PTPRN2: variants seen among roughly 807,000 people sequenced by gnomAD.
PTPRN2 encodes the protein protein tyrosine phosphatase receptor type N2.
Under a neutral mutation model 118.8 loss-of-function variants are expected in PTPRN2, and 74 were observed. The observed-to-expected ratio is 0.62, with a 90% CI of 0.52 to 0.76. The LOEUF (loss-of-function observed/expected upper bound fraction) is 0.76, where lower values mean the gene tolerates loss of function less well. Among genes scored for constraint, PTPRN2 ranks in the 30% least tolerant of loss-of-function variants. PTPRN2 has a pLI of 0.00. For missense variants in PTPRN2, 1,481 were observed against 1,394.4 expected (o/e 1.06, Z -0.99); for synonymous variants, 641 against 608.0 (o/e 1.05, Z -0.80).
chr7:158,574,975 T>C lies in PTPRN2; in HGVS notation c.112+12583A>G, dbSNP rs1234385455. On this transcript the variant is annotated intron_variant, in intron 1 of 22. Coordinates refer to ENST00000389418, the MANE Select transcript of PTPRN2 (RefSeq NM_002847.5). The surrounding 1 kb of genome is among the most constrained non-coding windows in gnomAD (Gnocchi z 4.6). Reference sequence around the variant, plus strand: ...ACCCTCTTCTCCTTCAGGCTGCAAATTAAAACAGACTTCCATCCTTTCTTC... The same window carrying C: ...ACCCTCTTCTCCTTCAGGCTGCAAACTAAAACAGACTTCCATCCTTTCTTC... Among the ~76,000 whole-genome samples, 1 of 152,256 alleles carries C rather than the reference T, an allele frequency of 6.6e-6. No individual in the cohort carries two copies. Among genetic ancestry groups the C allele is most frequent in the Admixed American group, 6.5e-5 (1 of 15,292 alleles).
chr7:158,388,811 A>G (rs1479614651), intron 2 of PTPRN2, among the ~76,000 whole-genome samples: 2 of 152,186 alleles, frequency 1.3e-5, no homozygotes, highest in Non-Finnish European at 2.9e-5. Context: ...AAAGACACTC[A>G]TCGCCCCAGA....
chr7:158,456,262 C>T (rs995088821), intron 2 of PTPRN2, among the ~76,000 whole-genome samples: 4 of 149,830 alleles, frequency 2.7e-5, no homozygotes, highest in South Asian at 2.2e-4. Context: ...CGGATGCCAT[C>T]GGCCACGGCC....
chr7:157,832,624 G>A (rs1047581489), intron 12 of PTPRN2, among the ~76,000 whole-genome samples: 2 of 152,192 alleles, frequency 1.3e-5, no homozygotes, highest in Non-Finnish European at 2.9e-5. Flanking sequence ...ATGGAAACAC[G>A]AAGGAGCTGC....
chr7:158,026,924 C>T (rs1256520479), intron 11 of PTPRN2, among the ~76,000 whole-genome samples: 1 of 152,266 alleles, frequency 6.6e-6, no homozygotes, highest in East Asian at 1.9e-4. Flanking sequence ...GGCACTGTGT[C>T]AGTTGGCACT....
chr7:157,851,554 T>C (rs1017326347), intron 12 of PTPRN2, among the ~76,000 whole-genome samples: 1 of 149,514 alleles, frequency 6.7e-6, no homozygotes, highest in Admixed American at 6.6e-5. Flanking sequence ...AAGGATCCAG[T>C]ATGGGAGATG....
At chr7:157,768,056 A>T (rs1802588592) in intron 12 of PTPRN2, among the ~76,000 whole-genome samples, 1 of 152,216 alleles carries the variant, frequency 6.6e-6, no homozygotes, top group Non-Finnish European at 1.5e-5. Context: ...GGCGACTAAT[A>T]TTGATCTTCC....
At chr7:158,375,245 C>A (rs1006350837) in intron 2 of PTPRN2, among the ~76,000 whole-genome samples, 1 of 152,248 alleles carries the variant, frequency 6.6e-6, no homozygotes, top group Non-Finnish European at 1.5e-5. Context: ...CAAGTGCCCA[C>A]AGGGCATCAG....
At chr7:158,164,454 C>A (rs369669031) in intron 6 of PTPRN2, among the ~76,000 whole-genome samples, 1 of 136,424 alleles carries the variant, frequency 7.3e-6, no homozygotes, top group African/African-American at 2.7e-5. Flanking sequence ...AGGAAGGACA[C>A]GCAGAGCAGG....
At chr7:158,514,563 C>G (rs1324612546) in intron 1 of PTPRN2, among the ~76,000 whole-genome samples, 1 of 152,152 alleles carries the variant, frequency 6.6e-6, no homozygotes, top group Non-Finnish European at 1.5e-5. Flanking sequence ...GATGGCGATG[C>G]CTCCCACTGG....
intron 11 of PTPRN2, among the ~76,000 whole-genome samples, chr7:157,963,767 C>T (rs992255642): frequency 2.0e-5 from 3 of 152,240 alleles, no homozygotes; most frequent in Non-Finnish European, 4.4e-5. Flanking sequence ...GGTGCTAGTC[C>T]ACCCGGGAGA....
Position 157,716,754 on chromosome 7 carries a change from T to C in PTPRN2, c.1789-33817A>G, listed in dbSNP as rs13228400. Among the ~76,000 whole-genome samples, 181 of 32,014 alleles carry C rather than the reference T, an allele frequency of 5.7e-3. 1 individual carries two copies. Among genetic ancestry groups the C allele is most frequent in the East Asian group, 0.03 (19 of 642 alleles). 21.0% of individuals were successfully genotyped at this position (32,014 alleles called of 152,430 possible). ...TAGACTCTGCGGGAACACTGCCTGG[T>C]CACACAGACTCTGCGGGAACACTGC... On this transcript the variant is annotated intron_variant, in intron 12 of 22. Transcript: ENST00000389418.
rs1211699697 is a variant in PTPRN2, at chr7:158,430,425, A to T, written c.163+59310T>A. ...TGAAGATGAAAACCACCCCAGGCAC[A>T]TTCACAGAAATGCTCTGGGGTTTGT... On this transcript the variant is annotated intron_variant, in intron 2 of 22. Transcript: ENST00000389418. Among the ~76,000 whole-genome samples, 4 of 152,360 alleles carry T rather than the reference A, an allele frequency of 2.6e-5. No individual in the cohort carries two copies. The East Asian group carries it at 7.7e-4, about 29-fold the overall frequency.
intron 11 of PTPRN2, among the ~76,000 whole-genome samples, chr7:157,923,371 C>G (rs1174784572): frequency 6.6e-6 from 1 of 152,194 alleles, no homozygotes; most frequent in African/African-American, 2.4e-5. Flanking sequence ...CTGGGACCAT[C>G]CAACCATGCT....
intron 14 of PTPRN2, among the ~76,000 whole-genome samples, chr7:157,633,576 G>A (rs1010538073): frequency 3.3e-5 from 5 of 152,218 alleles, no homozygotes; most frequent in African/African-American, 9.6e-5. Context: ...GTGTGGGGAC[G>A]GGGTGCACCT....
At chr7:157,667,618 C>A (rs1248701453) in intron 13 of PTPRN2, among the ~76,000 whole-genome samples, 1 of 152,216 alleles carries the variant, frequency 6.6e-6, no homozygotes, top group African/African-American at 2.4e-5. Context: ...CCTGCCTCCT[C>A]CCTCTCAGTA....
chr7:158,018,411 T>A (rs1161004994), intron 11 of PTPRN2, among the ~76,000 whole-genome samples: 1 of 152,214 alleles, frequency 6.6e-6, no homozygotes, highest in Non-Finnish European at 1.5e-5. Flanking sequence ...AGCATATAAA[T>A]CCCTGTTTGT....
intron 11 of PTPRN2, among the ~76,000 whole-genome samples, chr7:157,920,100 T>C (rs1411186773): frequency 2.0e-5 from 3 of 152,136 alleles, no homozygotes; most frequent in Non-Finnish European, 4.4e-5. Flanking sequence ...AACGACGAAA[T>C]TGCCAGATGA....
chr7:158,523,379 C>T (rs1394435464), intron 1 of PTPRN2, among the ~76,000 whole-genome samples: 5 of 136,834 alleles, frequency 3.7e-5, no homozygotes, highest in African/African-American at 1.1e-4. Context: ...GGAGTGGAGT[C>T]GTCTGCCCTG....
intron 12 of PTPRN2, among the ~76,000 whole-genome samples, chr7:157,891,563 C>A (rs183350152): frequency 1.3e-5 from 2 of 151,344 alleles, no homozygotes; most frequent in African/African-American, 4.9e-5. Flanking sequence ...CACACCCCCA[C>A]CCCCCATCCC....
Sources: allele counts gnomAD v4.1 joint callset (sites outside exome capture counted in the v4.1 genomes callset), GRCh38; gene constraint gnomAD v4.1.1; non-coding constraint Gnocchi (gnomAD v3.1); transcripts MANE v1.5; gene names NCBI Gene and HGNC (gene_info 2026-07-23, HGNC 2026-07-21).